The following PDE1A variants were observed in gnomAD, a reference collection of about 807,000 sequenced individuals.
PDE1A encodes phosphodiesterase 1A.
PDE1A carries 35 observed loss-of-function variants against 61.7 expected under a neutral mutation model. The ratio of observed to expected loss-of-function variants is 0.57; its 90% confidence interval spans 0.43 to 0.75. PDE1A has a LOEUF of 0.75. Among genes scored for constraint, PDE1A ranks in the 30% least tolerant of loss-of-function variants. The probability of loss-of-function intolerance (pLI) is 0.00; values close to 1 mark genes in which losing one functional copy is unlikely to be tolerated. For synonymous variants in PDE1A, 232 were observed against 213.2 expected, an observed-to-expected ratio of 1.09 and a Z score of -0.77; for missense variants, 597 against 630.6, an observed-to-expected ratio of 0.95 and a Z score of 0.57.
intron 13 of PDE1A, among the ~76,000 whole-genome samples, chr2:182,171,119 C>CA (rs1692174061): frequency 6.6e-6 from 1 of 151,752 alleles, no homozygotes; most frequent in African/African-American, 2.4e-5. Context: ...GCTTTTCTAG[C>CA]AAAAACATAA....
At chr2:182,553,103 C>T in the PDE1A span, among the ~76,000 whole-genome samples, 5 of 152,234 alleles carry the variant, frequency 3.3e-5, no homozygotes, top group African/African-American at 4.8e-5. Context: ...CTGGACTCCA[C>T]GGTTCTCTTC....
chr2:182,588,432 T>C, the PDE1A span, among the ~76,000 whole-genome samples: 1 of 152,230 alleles, frequency 6.6e-6, no homozygotes, highest in African/African-American at 2.4e-5. Context: ...AAATTCTGAA[T>C]ATTTAGAAAG....
At chr2:182,246,440 G>A (rs561268245) in intron 2 of PDE1A, among the ~76,000 whole-genome samples, 23 of 119,906 alleles carry the variant, frequency 1.9e-4, no homozygotes, top group South Asian at 5.2e-4. Context: ...GTCTTGCTCC[G>A]TCGCTCAGGC....
chr2:182,353,544 C>A (rs1445638928), intron 1 of PDE1A, among the ~76,000 whole-genome samples: 1 of 151,982 alleles, frequency 6.6e-6, no homozygotes, highest in Non-Finnish European at 1.5e-5. Context: ...TCATAAGTTC[C>A]CTTCTAATTC....
intron 1 of PDE1A, among the ~76,000 whole-genome samples, chr2:182,368,129 C>T (rs1699937430): frequency 1.3e-5 from 2 of 152,114 alleles, no homozygotes; most frequent in South Asian, 4.1e-4. Context: ...TAAAGTAAAT[C>T]TCACATTTAA....
At chr2:182,196,938 G>T (rs553621546) in intron 10 of PDE1A, among the ~76,000 whole-genome samples, 1 of 151,712 alleles carries the variant, frequency 6.6e-6, no homozygotes, top group East Asian at 1.9e-4. Context: ...AGGGGTAAAA[G>T]TGCTGGGTCC....
At chr2:182,405,847 C>T (rs1047863436) in intron 1 of PDE1A, among the ~76,000 whole-genome samples, 1 of 151,958 alleles carries the variant, frequency 6.6e-6, no homozygotes, top group Non-Finnish European at 1.5e-5. Context: ...ACATTATGTA[C>T]ATATATCATA....
rs1006637904 is a variant in PDE1A at position 182,220,640 on chromosome 2, T to C, written c.776+3224A>G. Among the ~76,000 whole-genome samples the C allele has an allele frequency of 2.0e-5, 3 of 152,144 alleles. No individual in the cohort carries two copies. The East Asian group carries it at 5.8e-4, about 29-fold the overall frequency. On this transcript the variant is annotated intron_variant, in intron 7 of 13. Coordinates refer to ENST00000351439, the Ensembl canonical transcript of PDE1A. ...GCATTTTCTTTTCACAAAGAGGAAA[T>C]TATTTCCATTTATTTACACTTTCAA...
chr2:182,707,506 A>G, the PDE1A span, among the ~76,000 whole-genome samples: 1 of 152,300 alleles, frequency 6.6e-6, no homozygotes, highest in East Asian at 1.9e-4. Flanking sequence ...TGTGAGAACA[A>G]TTTTATAGTA....
chr2:182,700,721 CAAAAAAA>C, the PDE1A span, among the ~76,000 whole-genome samples: 3 of 24,004 alleles, frequency 1.2e-4, no homozygotes, highest in Non-Finnish European at 1.9e-4. Context: ...GACTCCATCT[CAAAAAAA>C]AAAAAAAAAA....
chr2:182,606,607 G>A, the PDE1A span, among the ~76,000 whole-genome samples: 61 of 150,438 alleles, frequency 4.1e-4, no homozygotes, highest in African/African-American at 6.9e-4. Flanking sequence ...CCCTGTGGAT[G>A]TTATAATATA....
At chr2:182,232,091 G>A (rs543353389) in intron 4 of PDE1A, among the ~76,000 whole-genome samples, 1 of 152,298 alleles carries the variant, frequency 6.6e-6, no homozygotes, top group South Asian at 2.1e-4. Context: ...GGAAAAGGAA[G>A]TGGGCCTTTT....
chr2:182,254,012 G>T (rs762117044), intron 2 of PDE1A, among the ~76,000 whole-genome samples: 1 of 151,984 alleles, frequency 6.6e-6, no homozygotes, highest in Non-Finnish European at 1.5e-5. Context: ...TATTGGAAAA[G>T]AATAATATTT....
chr2:182,411,304 T>C (rs139808686), intron 1 of PDE1A, among the ~76,000 whole-genome samples: 15 of 152,362 alleles, frequency 9.8e-5, no homozygotes, highest in Admixed American at 1.3e-4. Context: ...CCATTCAAAA[T>C]TGTGTTTGCG....
At chr2:182,173,801 T>A (rs1394017866) in intron 13 of PDE1A, among the ~76,000 whole-genome samples, 2 of 151,998 alleles carry the variant, frequency 1.3e-5, no homozygotes, top group Admixed American at 1.3e-4. Flanking sequence ...TAATGTAAAG[T>A]GAACTGTGCT....
At chr2:182,515,484 G>A (rs977463842) in intron 2 of PDE1A, among the ~76,000 whole-genome samples, 2 of 152,180 alleles carry the variant, frequency 1.3e-5, no homozygotes, top group African/African-American at 4.8e-5. Flanking sequence ...TATCTGATTA[G>A]AGTTCAATTT....
chr2:182,552,585 G>A, the PDE1A span, among the ~76,000 whole-genome samples: 1 of 151,930 alleles, frequency 6.6e-6, no homozygotes, highest in Non-Finnish European at 1.5e-5. Context: ...GCCTAGCTGG[G>A]AAGGTGACCG....
chr2:182,348,124 C>G (rs137960608), intron 1 of PDE1A, among the ~76,000 whole-genome samples: 37 of 152,264 alleles, frequency 2.4e-4, no homozygotes, highest in African/African-American at 7.7e-4. Flanking sequence ...GGACCTACTA[C>G]TTGGCTATAA....
chr2:182,328,357 T>C (rs1697181977), intron 1 of PDE1A, among the ~76,000 whole-genome samples: 1 of 152,184 alleles, frequency 6.6e-6, no homozygotes, highest in Non-Finnish European at 1.5e-5. Flanking sequence ...ATTGTAATAT[T>C]ATTTGGGTTT....
Sources: allele counts gnomAD v4.1 joint callset (sites outside exome capture counted in the v4.1 genomes callset), GRCh38; gene constraint gnomAD v4.1.1; transcripts MANE v1.5; gene names NCBI Gene and HGNC (gene_info 2026-07-23, HGNC 2026-07-21).